ZBTB20: variants seen among roughly 807,000 people sequenced by gnomAD.
ZBTB20 encodes the protein zinc finger and BTB domain-containing protein 20.
A neutral mutation model predicts 56.9 loss-of-function variants in ZBTB20; 9 were observed. The ratio of observed to expected loss-of-function variants is 0.16; its 90% CI spans 0.10 to 0.28. The LOEUF (loss-of-function observed/expected upper bound fraction) is 0.28. ZBTB20 is among the 10% of genes least tolerant of loss of function. The pLI, the probability that ZBTB20 is intolerant of heterozygous loss-of-function variation, is 1.00. For missense variants in ZBTB20, 655 were observed against 1,003.0 expected, an observed-to-expected ratio of 0.65 and a Z score of 4.69; for synonymous variants, 417 against 420.7, an observed-to-expected ratio of 0.99 and a Z score of 0.11.
intron 7 of ZBTB20, among the ~76,000 whole-genome samples, chr3:114,495,431 G>C (rs2043179467): frequency 6.6e-6 from 1 of 151,384 alleles, no homozygotes; most frequent in East Asian, 1.9e-4. Flanking sequence ...CCTGAGGTGT[G>C]TATCAGTGCA....
intron 5 of ZBTB20, among the ~76,000 whole-genome samples, chr3:114,718,738 CACTTAGGAGTAG>C (rs1421393501): frequency 1.3e-5 from 2 of 151,930 alleles, no homozygotes; most frequent in Non-Finnish European, 2.9e-5. Flanking sequence ...TGCCACTTGC[CACTTAGGAGTAG>C]ACTCTGGCTC....
chr3:114,482,414 T>C (rs538393142), intron 7 of ZBTB20, among the ~76,000 whole-genome samples: 1 of 152,256 alleles, frequency 6.6e-6, no homozygotes, highest in South Asian at 2.1e-4. Context: ...GGAGACCACC[T>C]AGCAGAATGG....
rs573817285 is a variant in ZBTB20 at position 115,027,213 on chromosome 3, T to C, written c.-507+44006A>G. Among the ~76,000 whole-genome samples the C allele has an allele frequency of 2.0e-4, 30 of 151,106 alleles. No individual in the cohort carries two copies. The East Asian group carries it at 4.3e-3, about 22-fold the overall frequency. On this transcript the variant is annotated intron_variant, in intron 2 of 11. Transcript: ENST00000675478. ...AAATAATCTTCAAGATTGGAAATTA[T>C]TGACTAAAGTAAAATAAACAATGTG... is the stretch of plus-strand genomic sequence containing the variant.
At chr3:114,867,031 G>A (rs2075793425) in intron 4 of ZBTB20, among the ~76,000 whole-genome samples, 1 of 152,124 alleles carries the variant, frequency 6.6e-6, no homozygotes, top group Non-Finnish European at 1.5e-5. Context: ...GTTAATGAAT[G>A]TTTCTTAAAC....
chr3:114,657,642 T>C (rs988562621), intron 6 of ZBTB20, among the ~76,000 whole-genome samples: 2 of 152,134 alleles, frequency 1.3e-5, no homozygotes, highest in African/African-American at 2.4e-5. Flanking sequence ...ACCAATAAGA[T>C]TGTGGTTTTC....
chr3:114,395,704 C>T (rs1385769528), intron 7 of ZBTB20, among the ~76,000 whole-genome samples: 1 of 152,054 alleles, frequency 6.6e-6, no homozygotes, highest in East Asian at 1.9e-4. Flanking sequence ...AACTATTTTA[C>T]TTTTTAGGTT....
rs528025025 is a variant in ZBTB20 at position 114,491,372 on chromosome 3, T to C, written c.-255+8980A>G. On this transcript the variant is annotated intron_variant, in intron 7 of 11. Transcript: ENST00000675478. ...GTCCTACTGTATTTCTCTGGTCAACTTGCTGTCCCATTTGTCTCAAGAACG... is the reference window on the plus strand; with the variant it reads ...GTCCTACTGTATTTCTCTGGTCAACCTGCTGTCCCATTTGTCTCAAGAACG... Among the ~76,000 whole-genome samples, 5 of 152,370 alleles carry C rather than the reference T, an allele frequency of 3.3e-5. No individual in the cohort carries two copies. The South Asian group carries it at 6.2e-4, about 19-fold the overall frequency.
At chr3:114,378,917 A>T (rs1455943432) in intron 10 of ZBTB20, 1 of 152,250 alleles carries the variant, frequency 6.6e-6, no homozygotes, top group African/African-American at 2.4e-5. Flanking sequence ...GACTGTTCAA[A>T]TCACATAGGC....
chr3:114,417,947 T>C (rs759715473), intron 7 of ZBTB20, among the ~76,000 whole-genome samples: 8 of 152,022 alleles, frequency 5.3e-5, no homozygotes, highest in African/African-American at 9.7e-5. Flanking sequence ...GTGACCAAGA[T>C]TGGACCCAAA....
intron 3 of ZBTB20, among the ~76,000 whole-genome samples, chr3:114,956,062 A>C (rs1355193666): frequency 6.6e-6 from 1 of 152,226 alleles, no homozygotes; most frequent in African/African-American, 2.4e-5. Flanking sequence ...ACTGAAAATA[A>C]TACCAAGGTC....
chr3:114,911,281 C>T (rs913583712), intron 3 of ZBTB20, among the ~76,000 whole-genome samples: 4 of 151,874 alleles, frequency 2.6e-5, no homozygotes, highest in African/African-American at 9.7e-5. Context: ...GGAAATAGCT[C>T]CAACATCCTG....
intron 6 of ZBTB20, among the ~76,000 whole-genome samples, chr3:114,524,580 CCT>C (rs1302294684): frequency 1.3e-5 from 2 of 151,974 alleles, no homozygotes; most frequent in African/African-American, 2.4e-5. Flanking sequence ...CTCAATGTTT[CCT>C]CTCTCTCACT....
At chr3:115,129,236 T>C (rs894189536) in intron 1 of ZBTB20, among the ~76,000 whole-genome samples, 2 of 152,160 alleles carry the variant, frequency 1.3e-5, no homozygotes, top group African/African-American at 4.8e-5. Context: ...GTCAAATGAT[T>C]AGGGAAAGAA....
rs2080574572 is a variant in ZBTB20 at position 114,350,512 on chromosome 3, C to G, written c.1566G>C (p.Lys522Asn). ...FTTQPAGSGPKPFLFSLPQPL... is the reference protein window; with the variant it reads ...FTTQPAGSGPNPFLFSLPQPL... ...GCTGTGGCAGGCTGAAGAGGAAAGG[C>G]TTGGGGCCACTGCCCGCGGGCTGGG... Residue 522 changes from lysine (K) to asparagine (N), a missense_variant, in exon 11 of 12, where the codon AAG becomes AAC. By Grantham distance (94) the Lys-to-Asn change is moderately conservative (BLOSUM62 0). Around this residue, in one of 10 missense-constraint regions of ZBTB20, gnomAD observed 71 missense variants for 89.4 expected, o/e 0.79. Transcript: ENST00000675478. 1 of 1,613,966 alleles carries G rather than the reference C, an allele frequency of 6.2e-7. No homozygotes were observed. Among genetic ancestry groups the G allele is most frequent in the South Asian group, 1.1e-5 (1 of 91,082 alleles).
chr3:114,416,771 A>C (rs2108798594), intron 7 of ZBTB20, among the ~76,000 whole-genome samples: 1 of 152,226 alleles, frequency 6.6e-6, no homozygotes, highest in East Asian at 1.9e-4. Context: ...TCCGGTTTGA[A>C]ACTTGGTGTA....
At chr3:114,372,361 A>G (rs1025384255) in intron 10 of ZBTB20, among the ~76,000 whole-genome samples, 1 of 152,230 alleles carries the variant, frequency 6.6e-6, no homozygotes, top group East Asian at 1.9e-4. Context: ...GGAGAGCAAT[A>G]TGACACAGTG....
At chr3:114,349,890 T>C (rs2080505805) in intron 11 of ZBTB20, among the ~76,000 whole-genome samples, 1 of 152,234 alleles carries the variant, frequency 6.6e-6, no homozygotes, top group Non-Finnish European at 1.5e-5. Flanking sequence ...CAAGGTTTAG[T>C]AGTAGCTAAG....
chr3:114,849,799 C>T (rs1413976661), intron 4 of ZBTB20, among the ~76,000 whole-genome samples: 2 of 151,292 alleles, frequency 1.3e-5, no homozygotes, highest in East Asian at 3.9e-4. Context: ...TAGCTTGGAT[C>T]AAGTTAACCC....
chr3:114,361,266 C>T (rs2722034), intron 10 of ZBTB20, among the ~76,000 whole-genome samples: 3,047 of 152,240 alleles, frequency 0.02, 115 homozygotes, highest in African/African-American at 0.067. Flanking sequence ...TTCTCTTCTG[C>T]TGAATTTTCC....
Sources: gnomAD v4.1 joint callset for allele counts (sites outside exome capture counted in the v4.1 genomes callset) on GRCh38, gnomAD v4.1.1 for gene constraint, gnomAD v4.1.1 regional missense constraint, MANE v1.5 for transcripts, NCBI Gene and HGNC (gene_info 2026-07-23, HGNC 2026-07-21) for gene names.